MARCHF1: variants seen among roughly 807,000 people sequenced by gnomAD.
MARCHF1 encodes E3 ubiquitin-protein ligase MARCHF1.
In MARCHF1, 40 loss-of-function variants were observed where a neutral mutation model predicts 54.2. The observed-to-expected ratio is 0.74, with a 90% CI of 0.57 to 0.96. The LOEUF is 0.96. Among genes scored for constraint, MARCHF1 ranks in the 40% least tolerant of loss-of-function variants. The pLI, the probability that MARCHF1 is intolerant of heterozygous loss-of-function variation, is 0.00. For synonymous variants in MARCHF1, 236 were observed against 236.3 expected, an observed-to-expected ratio of 1.00 and a Z score of 0.01; for missense variants, 586 against 656.5, an observed-to-expected ratio of 0.89 and a Z score of 1.17.
chr4:163,706,248 A>C (rs1184928434), intron 4 of MARCHF1, among the ~76,000 whole-genome samples: 1 of 152,056 alleles, frequency 6.6e-6, no homozygotes, highest in Non-Finnish European at 1.5e-5. Context: ...GATGGAAACT[A>C]TCAGGGCAAG....
intron 2 of MARCHF1, among the ~76,000 whole-genome samples, chr4:164,000,905 T>C (rs1219763506): frequency 2.0e-5 from 3 of 151,714 alleles, no homozygotes; most frequent in Admixed American, 6.6e-5. Context: ...CATAGACCTC[T>C]GTTTAGAATT....
intron 2 of MARCHF1, among the ~76,000 whole-genome samples, chr4:164,074,908 AATAATTTCTTATAAAAT>A (rs1363698364): frequency 2.6e-5 from 4 of 151,048 alleles, no homozygotes; most frequent in South Asian, 4.1e-4. Context: ...TTTCTTATAA[AATAATTTCTTATAAAAT>A]ATAATTTCTT....
chr4:163,809,535 G>A (rs1193143825), intron 4 of MARCHF1, among the ~76,000 whole-genome samples: 1 of 152,092 alleles, frequency 6.6e-6, no homozygotes, highest in Non-Finnish European at 1.5e-5. Flanking sequence ...CTACTATTAT[G>A]AAGTCCTCCA....
At chr4:163,797,333 ATGTGTGTGTGTGTGTGTTTATG>A (rs1030285395) in intron 4 of MARCHF1, among the ~76,000 whole-genome samples, 10 of 102,186 alleles carry the variant, frequency 9.8e-5, no homozygotes, top group South Asian at 4.3e-4. Flanking sequence ...TACGGTGTGT[ATGTGTGTGTGTGTGTGTTTATG>A]TGTGTGTGTG....
intron 5 of MARCHF1, among the ~76,000 whole-genome samples, chr4:163,682,371 C>T (rs771935106): frequency 6.6e-6 from 1 of 152,120 alleles, no homozygotes; most frequent in Non-Finnish European, 1.5e-5. Flanking sequence ...AATGAGGGGC[C>T]GAATGTTAAT....
intron 1 of MARCHF1, among the ~76,000 whole-genome samples, chr4:164,294,944 G>A (rs77308532): frequency 0.026 from 3,985 of 152,126 alleles, 102 homozygotes; most frequent in East Asian, 0.13. Context: ...ATTTTAATGG[G>A]TGCAACTTTA....
chr4:164,066,333 T>A (rs538216594), intron 2 of MARCHF1, among the ~76,000 whole-genome samples: 45 of 152,104 alleles, frequency 3.0e-4, no homozygotes, highest in Non-Finnish European at 2.9e-4. Flanking sequence ...CATCTAACAC[T>A]AGTCAGAGTG....
intron 4 of MARCHF1, among the ~76,000 whole-genome samples, chr4:163,711,367 G>A (rs779534928): frequency 4.6e-5 from 7 of 152,016 alleles, no homozygotes; most frequent in East Asian, 1.9e-4. Context: ...GTTCATTTGC[G>A]TTTCAAATGT....
intron 5 of MARCHF1, among the ~76,000 whole-genome samples, chr4:163,694,550 C>G (rs1744560682): frequency 6.6e-6 from 1 of 152,134 alleles, no homozygotes; most frequent in Admixed American, 6.6e-5. Flanking sequence ...ACTTCTTTCT[C>G]TTCCCTGGGC....
At chr4:163,851,129 C>A (rs1354966999) in intron 4 of MARCHF1, among the ~76,000 whole-genome samples, 1 of 151,956 alleles carries the variant, frequency 6.6e-6, no homozygotes, top group East Asian at 1.9e-4. Context: ...CATTATCTTC[C>A]CCAAACAGGA....
intron 7 of MARCHF1, among the ~76,000 whole-genome samples, chr4:163,605,873 A>C (rs1462346391): frequency 1.3e-5 from 2 of 151,972 alleles, no homozygotes; most frequent in African/African-American, 4.8e-5. Context: ...ACATGGACAC[A>C]GGGAGGGGAA....
chr4:164,095,949 G>A (rs977118539), intron 2 of MARCHF1, among the ~76,000 whole-genome samples: 7 of 152,094 alleles, frequency 4.6e-5, no homozygotes, highest in African/African-American at 7.2e-5. Context: ...AAAGGGGAAC[G>A]CTCATGCAGT....
At chr4:163,864,663 G>C (rs865813887) in intron 3 of MARCHF1, among the ~76,000 whole-genome samples, 1 of 151,870 alleles carries the variant, frequency 6.6e-6, no homozygotes, top group South Asian at 2.1e-4. Context: ...CCTTGCAATA[G>C]GTTTGCAGTT....
At chr4:163,775,734 G>A (rs535586600) in intron 4 of MARCHF1, among the ~76,000 whole-genome samples, 2 of 152,218 alleles carry the variant, frequency 1.3e-5, no homozygotes, top group South Asian at 4.1e-4. Flanking sequence ...GATGAAGAAT[G>A]TTTCCAAGGA....
chr4:163,889,589 A>AG (rs1397631030), intron 3 of MARCHF1, among the ~76,000 whole-genome samples: 4 of 152,190 alleles, frequency 2.6e-5, no homozygotes, highest in African/African-American at 9.7e-5. Flanking sequence ...GATGAGACTG[A>AG]GAAAAAAAGA....
At chr4:164,265,429 C>T (rs576813732) in intron 1 of MARCHF1, among the ~76,000 whole-genome samples, 33 of 150,472 alleles carry the variant, frequency 2.2e-4, no homozygotes, top group African/African-American at 7.2e-4. Context: ...ATGCTTCATT[C>T]AAAGTAGCTA....
chr4:163,740,493 A>G (rs72995211), intron 4 of MARCHF1, among the ~76,000 whole-genome samples: 5,839 of 152,238 alleles, frequency 0.038, 167 homozygotes, highest in East Asian at 0.077. Flanking sequence ...TCATGGCCCA[A>G]TCACCACTGA....
chr4:163,574,396 A>G lies in MARCHF1; in HGVS notation c.1191+11353T>C, dbSNP rs1303002256. Among the ~76,000 whole-genome samples, 3 of 151,990 alleles carry G rather than the reference A, an allele frequency of 2.0e-5. No individual in the cohort carries two copies. In the East Asian group the frequency reaches 5.8e-4, roughly 29 times the overall value. ...AGACATGAAGTCCTTGCCCGTGCCT[A>G]TGTCCTGAATGGTATTGCCTAGGTT... On this transcript the variant is annotated intron_variant, in intron 8 of 9. Transcript: ENST00000514618.
At chr4:163,585,719 C>A in intron 8 of MARCHF1, 30 bp downstream of exon 8, 1 of 1,508,282 alleles carries the variant, frequency 6.6e-7, no homozygotes, top group South Asian at 1.3e-5. Flanking sequence ...CAAATGGTCC[C>A]TCCCAAACCA....
Sources: gnomAD v4.1 joint callset for allele counts (sites outside exome capture counted in the v4.1 genomes callset) on GRCh38, gnomAD v4.1.1 for gene constraint, MANE v1.5 for transcripts, NCBI Gene and HGNC (gene_info 2026-07-23, HGNC 2026-07-21) for gene names.